Variants in BANK1 observed in about 807,000 individuals in gnomAD.
BANK1 encodes the protein B cell scaffold protein with ankyrin repeats 1.
In BANK1, 95 loss-of-function variants were observed where a neutral mutation model predicts 94.5. The ratio of observed to expected loss-of-function variants is 1.00; its 90% CI spans 0.85 to 1.19. BANK1 has a LOEUF of 1.19. Ranked by LOEUF, BANK1 falls within the 50% of genes most tolerant of loss-of-function variation. The pLI is 0.00. For missense variants in BANK1, 987 were observed against 932.2 expected, an observed-to-expected ratio of 1.06 and a Z score of -0.77; for synonymous variants, 334 against 308.4, an observed-to-expected ratio of 1.08 and a Z score of -0.87.
intron 3 of BANK1, among the ~76,000 whole-genome samples, chr4:101,861,150 G>A (rs771116384): frequency 1.7e-4 from 26 of 152,332 alleles, no homozygotes; most frequent in African/African-American, 2.2e-4. Flanking sequence ...CTTTCCCGAT[G>A]AGCGTTGTAA....
chr4:101,862,899 A>T (rs1727933793), intron 4 of BANK1, among the ~76,000 whole-genome samples: 1 of 152,084 alleles, frequency 6.6e-6, no homozygotes, highest in Non-Finnish European at 1.5e-5. Context: ...ATCCAGTAAC[A>T]TCATACATTT....
At chr4:101,860,225 G>A (rs1396932521) in intron 3 of BANK1, among the ~76,000 whole-genome samples, 1 of 152,144 alleles carries the variant, frequency 6.6e-6, no homozygotes, top group African/African-American at 2.4e-5. Flanking sequence ...ATAATGTCAA[G>A]GTAATTACAG....
chr4:101,958,513 T>C (rs558406750), intron 7 of BANK1, among the ~76,000 whole-genome samples: 1 of 150,692 alleles, frequency 6.6e-6, no homozygotes, highest in South Asian at 2.1e-4. Flanking sequence ...TTTGTGATAG[T>C]TGGATGCCAG....
chr4:101,985,265 A>C (rs1725444774), intron 7 of BANK1, among the ~76,000 whole-genome samples: 1 of 152,154 alleles, frequency 6.6e-6, no homozygotes, highest in African/African-American at 2.4e-5. Context: ...TATTCTATTC[A>C]GGTCTCAACA....
chr4:102,004,937 G>A (rs1204471742), intron 7 of BANK1, among the ~76,000 whole-genome samples: 1 of 152,012 alleles, frequency 6.6e-6, no homozygotes, highest in African/African-American at 2.4e-5. Context: ...ATATTCAGCA[G>A]ATCCTTGACA....
At chr4:101,913,609 G>A (rs1722738115) in intron 6 of BANK1, among the ~76,000 whole-genome samples, 1 of 152,060 alleles carries the variant, frequency 6.6e-6, no homozygotes, top group Admixed American at 6.6e-5. Flanking sequence ...TAGATAAGAA[G>A]GCACTTCATA....
At chr4:101,965,164 T>C (rs1426505963) in intron 7 of BANK1, among the ~76,000 whole-genome samples, 1 of 151,896 alleles carries the variant, frequency 6.6e-6, no homozygotes, top group African/African-American at 2.4e-5. Flanking sequence ...ACACACAAAA[T>C]ACTGACCTAT....
chr4:101,899,014 TGAG>T lies in BANK1; in HGVS notation c.1009+3608_1009+3610del, dbSNP rs1722185546. On this transcript the variant is annotated intron_variant, in intron 6 of 16. Transcript: ENST00000322953. Reference sequence around the variant, plus strand: ...AATTAAGAAAAGATAAAATCAACACTGAGGAGATTTTATAAGAAATCTTTTTGA... The same window carrying T: ...AATTAAGAAAAGATAAAATCAACACTGAGATTTTATAAGAAATCTTTTTGA... Among the ~76,000 whole-genome samples the T allele has an allele frequency of 1.3e-5, 2 of 152,086 alleles. 1 individual carries two copies. Among genetic ancestry groups the T allele is most frequent in the South Asian group, 4.1e-4 (2 of 4,832 alleles).
chr4:101,806,647 A>C (rs1393223262), intron 1 of BANK1, among the ~76,000 whole-genome samples: 1 of 152,218 alleles, frequency 6.6e-6, no homozygotes, highest in Non-Finnish European at 1.5e-5. Flanking sequence ...TACATGGTGC[A>C]TAATAGTAAT....
At chr4:101,815,306 AG>A (rs1725871396) in intron 1 of BANK1, among the ~76,000 whole-genome samples, 1 of 152,268 alleles carries the variant, frequency 6.6e-6, no homozygotes, top group Non-Finnish European at 1.5e-5. Context: ...CTGCCCCTCC[AG>A]GGTATTTGCC....
chr4:101,865,672 A>G (rs542456651), intron 4 of BANK1, among the ~76,000 whole-genome samples: 1 of 152,216 alleles, frequency 6.6e-6, no homozygotes, highest in Admixed American at 6.5e-5. Context: ...TAAAGTCACA[A>G]CGAAGAGTCA....
intron 7 of BANK1, among the ~76,000 whole-genome samples, chr4:101,943,220 A>G (rs1723810753): frequency 1.3e-5 from 2 of 152,020 alleles, no homozygotes; most frequent in South Asian, 4.1e-4. Context: ...GCTTGAAGTC[A>G]TATTAGCAAA....
intron 7 of BANK1, among the ~76,000 whole-genome samples, chr4:101,950,058 T>TGTGG (rs1553935103): frequency 4.4e-5 from 6 of 136,994 alleles, no homozygotes; most frequent in Admixed American, 2.1e-4. Flanking sequence ...TGTGTGTGTG[T>TGTGG]GTGCGCGTGC....
chr4:101,939,649 C>A (rs1398605248), intron 7 of BANK1, among the ~76,000 whole-genome samples: 1 of 151,600 alleles, frequency 6.6e-6, no homozygotes, highest in Non-Finnish European at 1.5e-5. Flanking sequence ...CCTAAACCAG[C>A]CACATGGTCC....
chr4:101,869,284 C>T (rs1445170288), intron 4 of BANK1, among the ~76,000 whole-genome samples: 3 of 151,740 alleles, frequency 2.0e-5, no homozygotes, highest in African/African-American at 7.2e-5. Context: ...AAATTGATTT[C>T]ATTTGACTCC....
chr4:101,941,383 A>G (rs192901342), intron 7 of BANK1, among the ~76,000 whole-genome samples: 12 of 151,964 alleles, frequency 7.9e-5, no homozygotes, highest in African/African-American at 2.6e-4. Context: ...GCTCACTGCT[A>G]CTAGGTATTA....
At chr4:101,936,391 G>A (rs190610087) in intron 7 of BANK1, among the ~76,000 whole-genome samples, 12 of 149,750 alleles carry the variant, frequency 8.0e-5, no homozygotes, top group South Asian at 2.1e-4. Context: ...ATGCATACAT[G>A]CATGTATATA....
chr4:101,829,711 A>G, intron 1 of BANK1, 97 bp from the exon 2 acceptor site: 3 of 678,000 alleles, frequency 4.4e-6, no homozygotes, highest in Non-Finnish European at 6.8e-6. Flanking sequence ...AAGCAAATTA[A>G]TATATTGCCT....
intron 7 of BANK1, among the ~76,000 whole-genome samples, chr4:102,006,764 T>C (rs1408338854): frequency 2.0e-5 from 3 of 151,620 alleles, no homozygotes; most frequent in Admixed American, 6.6e-5. Flanking sequence ...ATCTATTTAA[T>C]TTGCTGGCCC....
Sources: gnomAD v4.1 joint callset for allele counts (sites outside exome capture counted in the v4.1 genomes callset) on GRCh38, gnomAD v4.1.1 for gene constraint, MANE v1.5 for transcripts, NCBI Gene and HGNC (gene_info 2026-07-23, HGNC 2026-07-21) for gene names.